CMIP: variants seen among roughly 807,000 people sequenced by gnomAD.
CMIP encodes the protein C-Maf-inducing protein.
Under a neutral mutation model 97.3 loss-of-function variants are expected in CMIP, and 13 were observed. The observed-to-expected ratio is 0.13, with a 90% CI of 0.09 to 0.21. The LOEUF (loss-of-function observed/expected upper bound fraction) is 0.21, where lower values mean the gene tolerates loss of function less well. Among genes scored for constraint, CMIP ranks in the 10% least tolerant of loss-of-function variants. The pLI, the probability that CMIP is intolerant of heterozygous loss-of-function variation, is 1.00. For missense variants in CMIP, 847 were observed against 1,024.9 expected (o/e 0.83, Z 2.37); for synonymous variants, 538 against 436.3 (o/e 1.23, Z -2.91).
chr16:81,549,625 T>A (rs900348314), intron 1 of CMIP, among the ~76,000 whole-genome samples: 5 of 152,058 alleles, frequency 3.3e-5, no homozygotes, highest in Non-Finnish European at 7.4e-5. Context: ...GACCTCCTCT[T>A]TATTTATTTG....
chr16:81,692,755 C>G (rs1045962341), intron 11 of CMIP, among the ~76,000 whole-genome samples: 1 of 152,296 alleles, frequency 6.6e-6, no homozygotes, highest in Middle Eastern at 3.4e-3. Flanking sequence ...TGGCAACTGT[C>G]TTAGAAGAAT....
intron 1 of CMIP, among the ~76,000 whole-genome samples, chr16:81,478,457 C>G (rs188120773): frequency 6.6e-6 from 1 of 152,156 alleles, no homozygotes; most frequent in Non-Finnish European, 1.5e-5. Flanking sequence ...AGCAGGTGTG[C>G]AAGCAAAGGT....
At chr16:81,465,951 A>T (rs1371314432) in intron 1 of CMIP, among the ~76,000 whole-genome samples, 1 of 152,260 alleles carries the variant, frequency 6.6e-6, no homozygotes, top group Admixed American at 6.5e-5. Context: ...CCTTGCAGAG[A>T]AGAAGCTGGT....
At chr16:81,583,604 C>T (rs917435060) in intron 1 of CMIP, among the ~76,000 whole-genome samples, 2 of 152,118 alleles carry the variant, frequency 1.3e-5, no homozygotes, top group African/African-American at 4.8e-5. Flanking sequence ...AAGAGAAGAC[C>T]CACTGTCTCA....
At chr16:81,664,023 G>A (rs1402700250) in intron 6 of CMIP, among the ~76,000 whole-genome samples, 2 of 152,206 alleles carry the variant, frequency 1.3e-5, no homozygotes, top group Admixed American at 1.3e-4. Flanking sequence ...GATCGTTGGG[G>A]AGGCTGTGCG....
rs867129082 is a variant in CMIP, at chr16:81,495,318, T to C, written c.300+49777T>C. The stretch of plus-strand genomic sequence containing the variant: ...GGGGCGGGGCCCTGGGCAGGCTGGT[T>C]CAGTGATAAGCAGGAGCCAGGCGAC... On this transcript the variant is annotated intron_variant, in intron 1 of 20. Transcript: ENST00000537098. 3.7e-5 allele frequency: 54 copies of C among 1,452,270 alleles called. No individual in the cohort carries two copies. In the African/African-American group the frequency reaches 6.8e-4, roughly 18 times the overall value. The allele number at this position is 1,452,270 out of a possible 1,614,324, so 90.0% of individuals were successfully genotyped here. A position where few individuals can be genotyped will look rare whatever the true frequency, so the allele number is the denominator to read the frequency against.
At chr16:81,660,840 G>T in intron 5 of CMIP, 44 bp from the exon 6 acceptor site, 6 of 1,611,614 alleles carry the variant, frequency 3.7e-6, no homozygotes, top group Non-Finnish European at 4.2e-6. Context: ...TCTTTCCGTG[G>T]CTATCTACCC....
Position 81,563,899 on chromosome 16 carries a change from C to T in CMIP, c.301-43668C>T, listed in dbSNP as rs1007165897. On this transcript the variant is annotated intron_variant, in intron 1 of 20. Transcript: ENST00000537098. ...CTTCCATTGCAGACCACAAGCTGGACACCCAACCCCATGCTGCAGCCTAGC... is the reference window on the plus strand; with the variant it reads ...CTTCCATTGCAGACCACAAGCTGGATACCCAACCCCATGCTGCAGCCTAGC... Among the ~76,000 whole-genome samples the T allele has an allele frequency of 4.6e-5, 7 of 152,374 alleles. No individual in the cohort carries two copies. The East Asian group carries it at 1.3e-3, about 29-fold the overall frequency.
rs77450370 is a variant in CMIP at position 81,698,963 on chromosome 16, T to C, written c.1639-722T>C. On this transcript the variant is annotated intron_variant, in intron 14 of 20. Coordinates refer to ENST00000537098, the MANE Select transcript of CMIP (RefSeq NM_198390.3). ...TTCTATTACAGATTCTTGAAAAAAC[T>C]AGCAAGGGCCGGGCACAGTGGCTCA... Among the ~76,000 whole-genome samples, 478 of 152,268 alleles carry C rather than the reference T, an allele frequency of 3.1e-3. 4 individuals are homozygous for C. Among genetic ancestry groups the C allele is most frequent in the Middle Eastern group, 0.01 (3 of 294 alleles).
intron 3 of CMIP, chr16:81,651,320 TC>T (rs1456956779): frequency 3.8e-5 from 20 of 530,020 alleles, no homozygotes; most frequent in Non-Finnish European, 4.8e-5. Context: ...TCCGAGGGCC[TC>T]CGTTTCCATG....
chr16:81,568,584 C>A (rs950678027), intron 1 of CMIP, among the ~76,000 whole-genome samples: 3 of 152,208 alleles, frequency 2.0e-5, no homozygotes, highest in Admixed American at 2.0e-4. Flanking sequence ...GGCATGACAG[C>A]CCTTGGCTTG....
In CMIP at chr16:81,453,629, C is replaced by G. The variant is rs940868270; in HGVS notation, c.300+8088C>G. 1.3e-5 allele frequency among the ~76,000 whole-genome samples: 2 copies of G among 152,210 alleles called. No individual in the cohort carries two copies. Among genetic ancestry groups the G allele is most frequent in the Admixed American group, 6.5e-5 (1 of 15,288 alleles). ...GAGGCTCTGCAGGGAAGGAGAGCCA[C>G]GGGTATGGAAGGGGCTGTGTGTTCC... On this transcript the variant is annotated intron_variant, in intron 1 of 20. Transcript: ENST00000537098. This position sits in a 1 kb window ranked among gnomAD's most constrained non-coding sequence, Gnocchi z 4.0.
chr16:81,496,810 A>G (rs963075974), intron 1 of CMIP, among the ~76,000 whole-genome samples: 1 of 152,248 alleles, frequency 6.6e-6, no homozygotes, highest in Non-Finnish European at 1.5e-5. Context: ...TAAAATGAGC[A>G]GAGTCTTACA....
intron 1 of CMIP, among the ~76,000 whole-genome samples, chr16:81,573,314 A>C (rs914577893): frequency 6.6e-6 from 1 of 152,002 alleles, no homozygotes; most frequent in Non-Finnish European, 1.5e-5. Flanking sequence ...ACTGCACTCC[A>C]GCCTGGACAA....
At chr16:81,478,961 C>T (rs1908094562) in intron 1 of CMIP, among the ~76,000 whole-genome samples, 1 of 152,212 alleles carries the variant, frequency 6.6e-6, no homozygotes, top group Admixed American at 6.5e-5. Context: ...TCACCCGAAG[C>T]AGGGTGAGAG....
intron 1 of CMIP, among the ~76,000 whole-genome samples, chr16:81,447,490 G>A (rs1905932902): frequency 6.6e-6 from 1 of 152,132 alleles, no homozygotes; most frequent in Non-Finnish European, 1.5e-5. Context: ...AAGGAAGAAA[G>A]ACCTGAATAG....
intron 1 of CMIP, among the ~76,000 whole-genome samples, chr16:81,551,957 C>T (rs181003583): frequency 6.6e-6 from 1 of 152,348 alleles, no homozygotes; most frequent in East Asian, 1.9e-4. Context: ...ACGCTGTTCC[C>T]CACCGGCAGT....
chr16:81,706,906 C>G (rs1908212911), intron 19 of CMIP, 108 bp from the exon 20 acceptor site: 1 of 898,822 alleles, frequency 1.1e-6, no homozygotes, highest in Admixed American at 2.0e-5. Flanking sequence ...GCCCCATCTC[C>G]TAACAGGGGG....
intron 1 of CMIP, among the ~76,000 whole-genome samples, chr16:81,524,516 G>T (rs1208283488): frequency 6.6e-6 from 1 of 152,274 alleles, no homozygotes; most frequent in African/African-American, 2.4e-5. Context: ...TGGTGAGACA[G>T]TGTCTGCAAA....
Sources: gnomAD v4.1 joint callset for allele counts (sites outside exome capture counted in the v4.1 genomes callset) on GRCh38, gnomAD v4.1.1 for gene constraint, Gnocchi (gnomAD v3.1) non-coding constraint, MANE v1.5 for transcripts, NCBI Gene and HGNC (gene_info 2026-07-23, HGNC 2026-07-21) for gene names.